Variants in CALN1 observed in about 807,000 individuals in gnomAD.
CALN1 encodes the protein calcium-binding protein 8.
CALN1 carries 17 observed loss-of-function variants against 30.6 expected under a neutral mutation model. That is an observed-to-expected ratio of 0.56 (90% confidence interval 0.38 to 0.83). The LOEUF is 0.83. Among genes scored for constraint, CALN1 ranks in the 40% least tolerant of loss-of-function variants. The pLI is 0.00. For missense variants in CALN1, 291 were observed against 354.9 expected, an observed-to-expected ratio of 0.82 and a Z score of 1.45; for synonymous variants, 156 against 131.4, an observed-to-expected ratio of 1.19 and a Z score of -1.28.
chr7:71,863,557 C>CAAAAAAAAAAAAAAAAAAAA (rs71531769), intron 5 of CALN1, among the ~76,000 whole-genome samples: 2 of 32,212 alleles, frequency 6.2e-5, no homozygotes, highest in East Asian at 1.6e-3. Context: ...AACTCCATCT[C>CAAAAAAAAAAAAAAAAAAAA]AAAAAAAAAA....
At chr7:72,368,250 ATGTTC>A (rs762574234) in intron 2 of CALN1, among the ~76,000 whole-genome samples, 23 of 150,110 alleles carry the variant, frequency 1.5e-4, no homozygotes, top group Admixed American at 2.7e-4. Flanking sequence ...GATGCTAGTA[ATGTTC>A]TGTTAACTGT....
At chr7:72,353,790 T>C (rs1404759966) in intron 2 of CALN1, among the ~76,000 whole-genome samples, 2 of 152,118 alleles carry the variant, frequency 1.3e-5, no homozygotes, top group African/African-American at 4.8e-5. Flanking sequence ...CATGATTGTG[T>C]AAATTAAAAA....
At chr7:72,209,350 C>A (rs1405600739) in intron 3 of CALN1, among the ~76,000 whole-genome samples, 1 of 45,670 alleles carries the variant, frequency 2.2e-5, no homozygotes, top group Non-Finnish European at 3.5e-5. Flanking sequence ...CTTTCCTTCC[C>A]TCCTTCCCTC....
intron 3 of CALN1, among the ~76,000 whole-genome samples, chr7:72,264,646 G>A (rs1276402159): frequency 6.6e-6 from 1 of 152,090 alleles, no homozygotes; most frequent in Non-Finnish European, 1.5e-5. Flanking sequence ...GACCACAGGT[G>A]TGCAAGCACC....
intron 3 of CALN1, among the ~76,000 whole-genome samples, chr7:72,175,414 G>T (rs922800114): frequency 1.3e-5 from 2 of 152,040 alleles, no homozygotes; most frequent in Non-Finnish European, 2.9e-5. Context: ...CAGTAAGTGG[G>T]GTAAGAAAGC....
At chr7:72,339,887 C>A (rs753409502) in intron 2 of CALN1, among the ~76,000 whole-genome samples, 52 of 152,196 alleles carry the variant, frequency 3.4e-4, no homozygotes, top group Non-Finnish European at 1.5e-4. Context: ...CCTCCCACAA[C>A]ACATGGGAAT....
intron 2 of CALN1, among the ~76,000 whole-genome samples, chr7:72,315,589 C>A (rs1296675009): frequency 2.6e-5 from 4 of 151,948 alleles, no homozygotes; most frequent in African/African-American, 9.7e-5. Context: ...CCTGTAGTCC[C>A]AGCTACTCGG....
In CALN1 at chr7:72,293,442, C is replaced by G. The variant is rs569356690; in HGVS notation, c.120-14632G>C. Among the ~76,000 whole-genome samples, 18 of 152,214 alleles carry G rather than the reference C, an allele frequency of 1.2e-4. No homozygotes were observed. In the East Asian group the frequency reaches 2.7e-3, roughly 23 times the overall value. ...CTGGAGACAATTATCAAAAGCAGATCGAGATGGGGAAAAATACCCCAGCCT... is the reference window on the plus strand; with the variant it reads ...CTGGAGACAATTATCAAAAGCAGATGGAGATGGGGAAAAATACCCCAGCCT... On this transcript the variant is annotated intron_variant, in intron 2 of 6. Transcript: ENST00000395275.
intron 2 of CALN1, among the ~76,000 whole-genome samples, chr7:72,359,192 G>A (rs913128689): frequency 6.6e-5 from 10 of 151,976 alleles, no homozygotes; most frequent in South Asian, 2.1e-4. Flanking sequence ...TTAGCATAAC[G>A]CTCTATTTTA....
intron 5 of CALN1, among the ~76,000 whole-genome samples, chr7:71,934,719 C>G (rs1795739885): frequency 6.6e-6 from 1 of 151,888 alleles, no homozygotes; most frequent in Non-Finnish European, 1.5e-5. Flanking sequence ...TTAGTCTGTT[C>G]TCATGTTGCT....
intron 3 of CALN1, among the ~76,000 whole-genome samples, chr7:72,129,730 A>C (rs1037834712): frequency 1.3e-5 from 2 of 152,196 alleles, no homozygotes; most frequent in Admixed American, 1.3e-4. Context: ...CATGACACTC[A>C]AATCTTCATA....
chr7:71,890,824 C>A (rs1386440490), intron 5 of CALN1, among the ~76,000 whole-genome samples: 1 of 146,250 alleles, frequency 6.8e-6, no homozygotes, highest in African/African-American at 2.5e-5. Context: ...TGGCTCACTG[C>A]AGCCGGAAAC....
intron 2 of CALN1, among the ~76,000 whole-genome samples, chr7:72,380,650 G>A (rs944460659): frequency 4.6e-5 from 7 of 151,928 alleles, no homozygotes; most frequent in Admixed American, 6.6e-5. Flanking sequence ...CCAGCTAGAC[G>A]GCTGCTCAGT....
At chr7:72,121,140 A>G (rs1467167182) in intron 3 of CALN1, among the ~76,000 whole-genome samples, 1 of 145,702 alleles carries the variant, frequency 6.9e-6, no homozygotes, top group African/African-American at 2.5e-5. Context: ...TTATATATGA[A>G]TTATATATTA....
chr7:72,410,748 A>C (rs955058293), intron 1 of CALN1, among the ~76,000 whole-genome samples: 1 of 152,222 alleles, frequency 6.6e-6, no homozygotes, highest in South Asian at 2.1e-4. Context: ...GGAACTATAT[A>C]TATTTCCTGA....
intron 3 of CALN1, among the ~76,000 whole-genome samples, chr7:72,108,539 CT>C (rs1807335573): frequency 6.6e-6 from 1 of 152,190 alleles, no homozygotes; most frequent in Non-Finnish European, 1.5e-5. Flanking sequence ...GCCATGTTGA[CT>C]TCTGACAAAC....
intron 4 of CALN1, among the ~76,000 whole-genome samples, chr7:72,061,395 G>A (rs1436084592): frequency 6.6e-6 from 1 of 151,980 alleles, no homozygotes; most frequent in African/African-American, 2.4e-5. Flanking sequence ...TTGTTGAGAG[G>A]TTTTTATCTT....
At chr7:71,991,858 A>G (rs1373387297) in intron 5 of CALN1, among the ~76,000 whole-genome samples, 1 of 152,210 alleles carries the variant, frequency 6.6e-6, no homozygotes, top group African/African-American at 2.4e-5. Context: ...ATTTGATTTG[A>G]TAATAATGAG....
rs569177154 is a variant in CALN1 at position 71,871,912 on chromosome 7, C to T, written c.502-61420G>A. Reference sequence around the variant, plus strand: ...TATATTTCATCTTCCACCATGGTCTCGATCAGGACCATCCACAGAACTTTC... The same window carrying T: ...TATATTTCATCTTCCACCATGGTCTTGATCAGGACCATCCACAGAACTTTC... On this transcript the variant is annotated intron_variant, in intron 5 of 6. Transcript: ENST00000395275. Among the ~76,000 whole-genome samples the T allele has an allele frequency of 7.9e-5, 12 of 152,290 alleles. No homozygotes were observed. In the East Asian group the frequency reaches 1.2e-3, roughly 15 times the overall value.
Sources: gnomAD v4.1 joint callset for allele counts (sites outside exome capture counted in the v4.1 genomes callset) on GRCh38, gnomAD v4.1.1 for gene constraint, MANE v1.5 for transcripts, NCBI Gene and HGNC (gene_info 2026-07-23, HGNC 2026-07-21) for gene names.